Variants in SUSD1 observed in about 807,000 individuals in gnomAD.
SUSD1 encodes sushi domain containing 1, also known as sushi domain-containing protein 1.
In SUSD1, 65 loss-of-function variants were observed where a neutral mutation model predicts 86.9. The observed-to-expected ratio is 0.75, with a 90% CI of 0.61 to 0.92. SUSD1 has a LOEUF of 0.92. Ranked by LOEUF, SUSD1 falls within the 40% of genes least tolerant of loss-of-function variation. The pLI is 0.00. For missense variants in SUSD1, 850 were observed against 929.7 expected, an observed-to-expected ratio of 0.91 and a Z score of 1.11; for synonymous variants, 346 against 350.0, an observed-to-expected ratio of 0.99 and a Z score of 0.13.
intron 12 of SUSD1, among the ~76,000 whole-genome samples, chr9:112,075,980 G>C (rs571885787): frequency 5.9e-5 from 9 of 152,286 alleles, no homozygotes; most frequent in African/African-American, 1.4e-4. Context: ...AGGCCAGGGA[G>C]ACAGCTGATG....
intron 5 of SUSD1, among the ~76,000 whole-genome samples, chr9:112,130,588 GAAGGAAAGGAAGGA>G (rs372948673): frequency 0.074 from 10,942 of 148,816 alleles, 1,089 homozygotes; most frequent in African/African-American, 0.22. Flanking sequence ...AAGGAGGAAG[GAAGGAAAGGAAGGA>G]AAGGAAAGGA....
At chr9:112,073,604 C>G (rs1160709488) in intron 12 of SUSD1, among the ~76,000 whole-genome samples, 3 of 149,692 alleles carry the variant, frequency 2.0e-5, no homozygotes, top group African/African-American at 7.4e-5. Context: ...AAATAGCATA[C>G]TCAGCTGGAC....
chr9:112,091,099 T>C (rs1330092178), intron 10 of SUSD1, among the ~76,000 whole-genome samples: 1 of 152,242 alleles, frequency 6.6e-6, no homozygotes, highest in Admixed American at 6.5e-5. Flanking sequence ...ACTTGGCACA[T>C]TCAGATGATT....
Position 112,058,414 on chromosome 9 carries a change from GGAAA to G in SUSD1, c.2109+10_2109+13del, listed in dbSNP as rs1269807488. On this transcript the variant is annotated intron_variant, in intron 14 of 16. Coordinates refer to ENST00000374270, the MANE Select transcript of SUSD1 (RefSeq NM_022486.5). Reference sequence around the variant, plus strand: ...GAAAATACAGAGTTCACAAGAGCTTGGAAAGAAAGATACCTTATTCCATTCACTT... The same window carrying G: ...GAAAATACAGAGTTCACAAGAGCTTGGAAAGATACCTTATTCCATTCACTT... The G allele has an allele frequency of 6.2e-6, 10 of 1,609,558 alleles. No homozygotes were observed. Among genetic ancestry groups the G allele is most frequent in the Non-Finnish European group, 8.5e-6 (10 of 1,177,214 alleles).
chr9:112,112,095 C>T, intron 7 of SUSD1: 1 of 359,796 alleles, frequency 2.8e-6, no homozygotes. Flanking sequence ...GAGACAATTG[C>T]AACCTGAGGA....
At chr9:112,066,518 G>A (rs1828984899) in intron 12 of SUSD1, among the ~76,000 whole-genome samples, 1 of 152,148 alleles carries the variant, frequency 6.6e-6, no homozygotes, top group South Asian at 2.1e-4. Flanking sequence ...GTCAGGTCTG[G>A]AGTGGCATTC....
chr9:112,047,069 G>A (rs1324027104), intron 15 of SUSD1, among the ~76,000 whole-genome samples: 1 of 152,116 alleles, frequency 6.6e-6, no homozygotes, highest in East Asian at 1.9e-4. Context: ...CTGAGACTGG[G>A]TAATTTAAAA....
At chr9:112,151,688 G>A (rs1245522050) in intron 2 of SUSD1, among the ~76,000 whole-genome samples, 1 of 151,270 alleles carries the variant, frequency 6.6e-6, no homozygotes, top group African/African-American at 2.4e-5. Context: ...GATCACCTGA[G>A]GTCAGGAGTT....
At chr9:112,154,194 A>T (rs1209295241) in intron 2 of SUSD1, among the ~76,000 whole-genome samples, 1 of 152,004 alleles carries the variant, frequency 6.6e-6, no homozygotes, top group African/African-American at 2.4e-5. Context: ...CACCATATTA[A>T]AACTATCAGT....
intron 10 of SUSD1, among the ~76,000 whole-genome samples, chr9:112,097,531 G>C (rs1399002227): frequency 1.3e-5 from 2 of 150,974 alleles, no homozygotes; most frequent in Non-Finnish European, 2.9e-5. Context: ...CCGAGTAGCT[G>C]GGATTACAGG....
chr9:112,041,991 A>C (rs199754801), intron 15 of SUSD1, 31 bp from the exon 16 acceptor site: 1 of 1,610,008 alleles, frequency 6.2e-7, no homozygotes, highest in African/African-American at 1.3e-5. Context: ...CTTAGCCCAG[A>C]GTGCACGGCA....
At chr9:112,074,576 G>A (rs752598803) in intron 12 of SUSD1, among the ~76,000 whole-genome samples, 1 of 152,156 alleles carries the variant, frequency 6.6e-6, no homozygotes, top group African/African-American at 2.4e-5. Context: ...AAGATTTAAC[G>A]TAAGACACTC....
chr9:112,059,988 A>C (rs191841179), intron 13 of SUSD1, among the ~76,000 whole-genome samples: 168 of 133,338 alleles, frequency 1.3e-3, no homozygotes, highest in African/African-American at 4.6e-3. Flanking sequence ...ATGATTCTTG[A>C]GTTGAAATTT....
chr9:112,112,120 C>CT, intron 7 of SUSD1: 2 of 306,860 alleles, frequency 6.5e-6, no homozygotes, highest in South Asian at 1.6e-4. Context: ...TGGCTGCACT[C>CT]TGTCACCAAG....
intron 2 of SUSD1, among the ~76,000 whole-genome samples, chr9:112,150,789 T>C (rs921462433): frequency 2.0e-5 from 3 of 152,130 alleles, no homozygotes; most frequent in Non-Finnish European, 4.4e-5. Flanking sequence ...AGTGGTACAG[T>C]AAAAATACAG....
At chr9:112,114,785 T>A (rs2131657544) in intron 6 of SUSD1, among the ~76,000 whole-genome samples, 1 of 152,224 alleles carries the variant, frequency 6.6e-6, no homozygotes, top group South Asian at 2.1e-4. Context: ...GGAGTTAAAA[T>A]CCTGTGGGGA....
At chr9:112,164,504 C>T (rs1833696712) in intron 1 of SUSD1, among the ~76,000 whole-genome samples, 1 of 150,950 alleles carries the variant, frequency 6.6e-6, no homozygotes. Context: ...TATGATCATG[C>T]CACTGCACTC....
intron 10 of SUSD1, among the ~76,000 whole-genome samples, chr9:112,082,483 G>A (rs898538581): frequency 6.6e-6 from 1 of 152,100 alleles, no homozygotes; most frequent in African/African-American, 2.4e-5. Context: ...ATTTAAGAAC[G>A]GAAGCAGAGG....
At chr9:112,110,342 C>T (rs1458331591) in intron 8 of SUSD1, among the ~76,000 whole-genome samples, 2 of 152,008 alleles carry the variant, frequency 1.3e-5, no homozygotes, top group Admixed American at 6.6e-5. Flanking sequence ...GGGCAAGACT[C>T]CATCTCAAAA....
Sources: allele counts gnomAD v4.1 joint callset (sites outside exome capture counted in the v4.1 genomes callset), GRCh38; gene constraint gnomAD v4.1.1; transcripts MANE v1.5; gene names NCBI Gene and HGNC (gene_info 2026-07-23, HGNC 2026-07-21).